The following CLEC10A variants were observed in gnomAD, a reference collection of about 807,000 sequenced individuals.
CLEC10A encodes C-type lectin domain family 10 member A.
In CLEC10A, 38 loss-of-function variants were observed where a neutral mutation model predicts 42.0. The ratio of observed to expected loss-of-function variants is 0.90; its 90% CI spans 0.70 to 1.18. The LOEUF is 1.18. Ranked by LOEUF, CLEC10A falls within the 50% of genes most tolerant of loss-of-function variation. The pLI is 0.00. For missense variants in CLEC10A, 298 were observed against 345.9 expected (o/e 0.86, Z 1.10); for synonymous variants, 126 against 139.9 (o/e 0.90, Z 0.70).
Position 7,074,864 on chromosome 17 carries a change from G to A in CLEC10A, c.*190C>T. The A allele has an allele frequency of 2.4e-6, 1 of 421,466 alleles. No individual in the cohort carries two copies. 26.1% of individuals were successfully genotyped at this position (421,466 alleles called of 1,614,324 possible). On this transcript the variant is annotated 3_prime_UTR_variant, in exon 9 of 9. Transcript: ENST00000416562. ...TCATGAAGTTGACTTTCAAAAGTTG[G>A]AAAAAAAATAAAAGCTTAAGAACAC...
intron 2 of CLEC10A, 84 bp downstream of exon 2, chr17:7,078,662 G>C: frequency 7.6e-7 from 1 of 1,314,550 alleles, no homozygotes; most frequent in Non-Finnish European, 1.1e-6. Flanking sequence ...ACCAGTGCGC[G>C]TGGTGGAGGT....
At chr17:7,079,459 T>C (rs557029277) in intron 1 of CLEC10A, among the ~76,000 whole-genome samples, 2 of 152,006 alleles carry the variant, frequency 1.3e-5, no homozygotes, top group African/African-American at 4.8e-5. Context: ...GGTGTGCGCC[T>C]GTAATCCCAG....
intron 3 of CLEC10A, 111 bp from the exon 4 acceptor site, chr17:7,077,098 T>G (rs1044006017): frequency 2.7e-5 from 20 of 744,816 alleles, no homozygotes; most frequent in Non-Finnish European, 3.8e-5. Context: ...GGCAACCCAG[T>G]GGGGCAGGCA....
Position 7,076,889 on chromosome 17 carries a change from C to T in CLEC10A, c.280+3G>A. On this transcript the variant is annotated splice_donor_region_variant and intron_variant, in intron 4 of 8. Coordinates refer to ENST00000416562, the MANE Select transcript of CLEC10A (RefSeq NM_001330070.2). The stretch of plus-strand genomic sequence containing the variant: ...CCCAGAGCCCCATCCAAACCAGACT[C>T]ACCCTGGGAAGTCAGTGCCTGGATC... 6.2e-7 allele frequency: 1 copy of T among 1,614,018 alleles called. No homozygotes were observed. Among genetic ancestry groups the T allele is most frequent in the Non-Finnish European group, 8.5e-7 (1 of 1,179,956 alleles).
chr17:7,078,892 A>G lies in CLEC10A; in HGVS notation c.-73-7T>C, dbSNP rs1597361711. The G allele has an allele frequency of 1.5e-6, 2 of 1,377,024 alleles. No individual in the cohort carries two copies. Among genetic ancestry groups the G allele is most frequent in the South Asian group, 2.3e-5 (2 of 86,346 alleles). The allele number at this position is 1,377,024 out of a possible 1,614,324, so 85.3% of individuals were successfully genotyped here. On this transcript the variant is annotated splice_polypyrimidine_tract_variant and splice_region_variant and intron_variant, in intron 1 of 8. Transcript: ENST00000416562. ...CGCCCAGTCTGGGGTGGAGCTGGGG[A>G]ATAGGAGGTTGGGACTAAGTTGGAG... is the stretch of plus-strand genomic sequence containing the variant.
At chr17:7,077,702 G>GC (rs1207642602) in intron 3 of CLEC10A, among the ~76,000 whole-genome samples, 2 of 50,646 alleles carry the variant, frequency 3.9e-5, no homozygotes, top group Non-Finnish European at 7.6e-5. Context: ...CTCCATCAGT[G>GC]CCCCCCTACC....
At chr17:7,077,650 A>C (rs395860) in intron 3 of CLEC10A, among the ~76,000 whole-genome samples, 17 of 57,552 alleles carry the variant, frequency 3.0e-4, no homozygotes, top group South Asian at 6.0e-4. Flanking sequence ...CCATTCCCAT[A>C]AATCACTCCG....
At chr17:7,075,603 T>C (rs1486264299) in intron 7 of CLEC10A, 128 bp downstream of exon 7, 1 of 1,473,916 alleles carries the variant, frequency 6.8e-7, no homozygotes, top group Non-Finnish European at 9.5e-7. Flanking sequence ...GCCTATTAAA[T>C]CTCTGAGGGT....
At chr17:7,077,927 C>CTGT in intron 3 of CLEC10A, 70 bp downstream of exon 3, 2 of 1,223,860 alleles carry the variant, frequency 1.6e-6, no homozygotes, top group Non-Finnish European at 2.4e-6. Flanking sequence ...CACTGCCCTA[C>CTGT]TGTAGCACCC....
intron 3 of CLEC10A, 64 bp downstream of exon 3, chr17:7,077,933 C>CACCCCATTATTTATCTTCT: frequency 7.9e-7 from 1 of 1,262,462 alleles, no homozygotes; most frequent in Non-Finnish European, 1.2e-6. Context: ...CCTACTGTAG[C>CACCCCATTATTTATCTTCT]ACCCCATTAT....
At chr17:7,077,949 T>G in intron 3 of CLEC10A, 48 bp downstream of exon 3, 1 of 1,423,926 alleles carries the variant, frequency 7.0e-7, no homozygotes, top group Non-Finnish European at 9.9e-7. Context: ...ATTATTTATC[T>G]TCTACCCCAT....
intron 6 of CLEC10A, 43 bp downstream of exon 6, chr17:7,075,942 T>C (rs1431865172): frequency 6.2e-7 from 1 of 1,612,828 alleles, no homozygotes. Flanking sequence ...CAGTGGGCCA[T>C]GGGCAGAAAA....
At position 7,078,866 on chromosome 17, in the gene CLEC10A, G is replaced by GC. The variant is rs1366583795; in HGVS notation, c.-55dup. The stretch of plus-strand genomic sequence containing the variant: ...CACAGCTGAAATGGAGGCAGGGCCG[G>GC]CGCCCAGTCTGGGGTGGAGCTGGGG... On this transcript the variant is annotated 5_prime_UTR_variant, in exon 2 of 9. Transcript: ENST00000416562. 1.0e-4 allele frequency: 163 copies of GC among 1,574,410 alleles called. 3 individuals carry two copies. The South Asian group carries it at 1.7e-3, about 16-fold the overall frequency.
At position 7,075,059 on chromosome 17, in the gene CLEC10A, G is replaced by A. The variant is rs757579133; in HGVS notation, c.865C>T (p.His289Tyr). The change falls in exon 9 of 9, where the codon CAC becomes TAC. Residue 289 changes from histidine (H) to tyrosine (Y), a missense_variant. Around this residue, in one of 3 missense-constraint regions of CLEC10A, gnomAD observed 267 missense variants for 289.5 expected, o/e 0.92. Transcript: ENST00000416562. ...GTGGTCCCACCAAAGGCAGCTCAGT[G>A]ACTCTCCTGGCTGGTCTGACCCAGG... ...AGLGQTSQESH is the reference protein window; with the variant it reads ...AGLGQTSQESY 2 of 1,560,620 alleles carry A rather than the reference G, an allele frequency of 1.3e-6. No homozygotes were observed. Among genetic ancestry groups the A allele is most frequent in the South Asian group, 2.4e-5 (2 of 83,052 alleles).
At chr17:7,075,246 G>A (rs763287936) in intron 8 of CLEC10A, 24 bp from the exon 9 acceptor site, 1 of 1,519,120 alleles carries the variant, frequency 6.6e-7, no homozygotes, top group Non-Finnish European at 8.8e-7. Context: ...ACAACAGCAA[G>A]CTAGGAAGGG....
chr17:7,075,308 T>TG, intron 8 of CLEC10A, 52 bp downstream of exon 8: 1 of 1,507,014 alleles, frequency 6.6e-7, no homozygotes, highest in Non-Finnish European at 8.9e-7. Context: ...GTCAGATCCC[T>TG]GGGGGAAACG....
intron 2 of CLEC10A, 145 bp from the exon 3 acceptor site, chr17:7,078,258 G>A (rs1427154749): frequency 4.9e-6 from 3 of 608,914 alleles, no homozygotes; most frequent in Admixed American, 5.8e-5. Context: ...TGGGGTGGGG[G>A]ATGCCCAGGC....
At chr17:7,079,773 G>A (rs970709302) in intron 1 of CLEC10A, among the ~76,000 whole-genome samples, 2 of 151,880 alleles carry the variant, frequency 1.3e-5, no homozygotes, top group South Asian at 2.1e-4. Flanking sequence ...CAACGAGGCC[G>A]TCTCGGCTCA....
rs867799020 is a variant in CLEC10A at position 7,074,996 on chromosome 17, G to C, written c.*58C>G. 1 of 1,411,364 alleles carries C rather than the reference G, an allele frequency of 7.1e-7. No individual in the cohort carries two copies. The highest frequency in any genetic ancestry group is 9.4e-7 in the Non-Finnish European group (1 of 1,067,000). The allele number at this position is 1,411,364 out of a possible 1,614,324, so 87.4% of individuals were successfully genotyped here. ...CAGAGCGGTCTTGCGAGGAGGTCGT[G>C]AGAAGAGTCCTCCTCCCACCGCCAT... On this transcript the variant is annotated 3_prime_UTR_variant, in exon 9 of 9. Coordinates refer to ENST00000416562, the MANE Select transcript of CLEC10A (RefSeq NM_001330070.2).
Sources: gnomAD v4.1 joint callset for allele counts (sites outside exome capture counted in the v4.1 genomes callset) on GRCh38, gnomAD v4.1.1 for gene constraint, gnomAD v4.1.1 regional missense constraint, MANE v1.5 for transcripts, NCBI Gene and HGNC (gene_info 2026-07-23, HGNC 2026-07-21) for gene names.